Variants in PADI6 observed in about 807,000 individuals in gnomAD.
The protein encoded by PADI6 is inactive protein-arginine deiminase type-6.
A neutral mutation model predicts 78.2 loss-of-function variants in PADI6; 66 were observed. The observed-to-expected ratio is 0.84, with a 90% CI of 0.69 to 1.04. The LOEUF (loss-of-function observed/expected upper bound fraction) is 1.04, where lower values mean the gene tolerates loss of function less well. Ranked by LOEUF, PADI6 falls within the 50% of genes least tolerant of loss-of-function variation. PADI6 has a pLI of 0.00. For missense variants in PADI6, 854 were observed against 866.1 expected, an observed-to-expected ratio of 0.99 and a Z score of 0.18; for synonymous variants, 397 against 346.9, an observed-to-expected ratio of 1.14 and a Z score of -1.60.
Position 17,397,072 on chromosome 1 carries a change from A to C in PADI6, c.1620A>C (p.Gly540=). The part of the protein sequence containing the change: ...ELRADQLLSN[G]REAKTIDQLL... ...CCTGCTGCCCGCTTCTTCCTACAGG[A>C]AGGGAAGCCAAAACCATCGACCAAC... Residue 540 remains glycine (G), a splice_region_variant and synonymous_variant, in exon 14 of 16, where the codon GGA becomes GGC. Coordinates refer to ENST00000619609, the MANE Select transcript of PADI6 (RefSeq NM_207421.4). 6.2e-7 allele frequency: 1 copy of C among 1,613,684 alleles called. No homozygotes were observed. Among genetic ancestry groups the C allele is most frequent in the Non-Finnish European group, 8.5e-7 (1 of 1,179,786 alleles).
At position 17,401,336 on chromosome 1, in the gene PADI6, C is replaced by T. The variant is rs1042278488; in HGVS notation, c.1983C>T (p.Ile661=). 3 of 1,613,954 alleles carry T rather than the reference C, an allele frequency of 1.9e-6. No homozygotes were observed. The highest frequency in any genetic ancestry group is 2.7e-5 in the African/African-American group (2 of 74,942). The change falls in exon 16 of 16, where the codon ATC becomes ATT. Residue 661 remains isoleucine (I), a synonymous_variant. Coordinates refer to ENST00000619609, the MANE Select transcript of PADI6 (RefSeq NM_207421.4). The part of the protein sequence containing the change: ...LEPLGFKCTF[I]NDFDCYLTEV... ...CCCTGGGCTTCAAGTGCACCTTCAT[C>T]AATGACTTTGACTGTTACCTGACAG...
At chr1:17,377,780 G>C (rs2075033799) in intron 3 of PADI6, among the ~76,000 whole-genome samples, 2 of 152,172 alleles carry the variant, frequency 1.3e-5, no homozygotes, top group African/African-American at 4.8e-5. Context: ...TCACAGCCCA[G>C]ACCTCCCAGT....
At chr1:17,379,879 G>T in intron 3 of PADI6, 41 bp from the exon 4 acceptor site, 1 of 1,581,250 alleles carries the variant, frequency 6.3e-7, no homozygotes, top group African/African-American at 1.3e-5. Flanking sequence ...GTTCCATCTG[G>T]CAGGTCAAGG....
At chr1:17,401,087 C>T (rs768704074) in intron 15 of PADI6, 118 bp from the exon 16 acceptor site, 24 of 837,282 alleles carry the variant, frequency 2.9e-5, no homozygotes, top group African/African-American at 5.1e-5. Flanking sequence ...TTTCACTGAC[C>T]TGGAGGAGGC....
rs2075238521 is a variant in PADI6 at position 17,395,578 on chromosome 1, TAA to T, written c.1535_1536del (p.Lys512ThrfsTer17). The T allele has an allele frequency of 6.3e-7, 1 of 1,577,222 alleles. No homozygotes were observed. The highest frequency in any genetic ancestry group is 1.4e-5 in the African/African-American group (1 of 73,798). ...LLLASPSACY[K>X]LFREKQKEGY... is the part of the protein sequence containing the mutation. ...TCCTGGCCAGCCCCAGTGCCTGCTA[TAA>T]ACTGTTCCGAGAGAAACAGAAGGAA... On this transcript the variant is annotated frameshift_variant, in exon 13 of 16. Coordinates refer to ENST00000619609, the MANE Select transcript of PADI6 (RefSeq NM_207421.4). LOFTEE classifies it high-confidence loss of function.
intron 15 of PADI6, among the ~76,000 whole-genome samples, chr1:17,399,154 G>C (rs2075276628): frequency 1.3e-5 from 2 of 152,186 alleles, no homozygotes; most frequent in African/African-American, 4.8e-5. Context: ...GCCCACTTCG[G>C]ATGGGGTGCT....
At chr1:17,384,348 C>G (rs1330113512) in intron 6 of PADI6, among the ~76,000 whole-genome samples, 1 of 151,902 alleles carries the variant, frequency 6.6e-6, no homozygotes, top group Non-Finnish European at 1.5e-5. Context: ...AATCCCAGCA[C>G]TTTGGGAGGC....
intron 5 of PADI6, 81 bp from the exon 6 acceptor site, chr1:17,381,886 C>A: frequency 1.2e-5 from 18 of 1,538,884 alleles, no homozygotes; most frequent in Non-Finnish European, 1.6e-5. Flanking sequence ...AAACTCCCGG[C>A]CCCTCTCTAC....
chr1:17,394,517 C>T lies in PADI6; in HGVS notation c.1337+63C>T, dbSNP rs141318133. The T allele has an allele frequency of 3.6e-3, 5,488 of 1,540,726 alleles. 69 individuals are homozygous for T. The highest frequency in any genetic ancestry group is 0.028 in the South Asian group (2,325 of 83,126). The stretch of plus-strand genomic sequence containing the variant: ...GGGACCATGGTCGTTCCCCTGGCCC[C>T]GCCTGCTTCCCATAGCACCTCAGCA... On this transcript the variant is annotated intron_variant, in intron 11 of 15. Coordinates refer to ENST00000619609, the MANE Select transcript of PADI6 (RefSeq NM_207421.4).
At chr1:17,373,583 C>T (rs1378899284) in intron 2 of PADI6, among the ~76,000 whole-genome samples, 2 of 152,050 alleles carry the variant, frequency 1.3e-5, no homozygotes, top group South Asian at 4.1e-4. Flanking sequence ...CCTCCACTTC[C>T]CGGGTTCAAG....
At chr1:17,400,102 G>A (rs2075286485) in intron 15 of PADI6, among the ~76,000 whole-genome samples, 1 of 152,010 alleles carries the variant, frequency 6.6e-6, no homozygotes, top group Non-Finnish European at 1.5e-5. Flanking sequence ...CAGCCACTCA[G>A]GAGGCTGAGG....
At chr1:17,383,021 A>C (rs1282403429) in intron 6 of PADI6, among the ~76,000 whole-genome samples, 2 of 152,198 alleles carry the variant, frequency 1.3e-5, no homozygotes, top group Non-Finnish European at 2.9e-5. Flanking sequence ...GGATGCAAAC[A>C]ATCCTCCTGC....
At position 17,382,030 on chromosome 1, in the gene PADI6, A is replaced by G. The variant is rs2075077494; in HGVS notation, c.617A>G (p.Tyr206Cys). 3.7e-6 allele frequency: 6 copies of G among 1,613,940 alleles called. No homozygotes were observed. Among genetic ancestry groups the G allele is most frequent in the Non-Finnish European group, 5.1e-6 (6 of 1,179,828 alleles). The change falls in exon 6 of 16, where the codon TAT (tyrosine) becomes TGT (cysteine). Residue 206 changes from tyrosine (Y) to cysteine (C), a missense_variant. By Grantham distance (194) the Tyr-to-Cys change is radical. Transcript: ENST00000619609. ...GGCCCCAGCTGTATCTTAAAGAAAT[A>G]TCGGCTAGTCCTCCATACCTCCAAG... ...VQGPSCILKKYRLVLHTSKEE... is the reference protein window; with the variant it reads ...VQGPSCILKKCRLVLHTSKEE...
chr1:17,400,975 C>T lies in PADI6; in HGVS notation c.1852-230C>T, dbSNP rs576573852. On this transcript the variant is annotated intron_variant, in intron 15 of 15. Transcript: ENST00000619609. Reference sequence around the variant, plus strand: ...TGACAAGAGGCCAGAATAATCGAAACGTAGAAACTAGAGAAGTTGACAATC... The same window carrying T: ...TGACAAGAGGCCAGAATAATCGAAATGTAGAAACTAGAGAAGTTGACAATC... 6.6e-5 allele frequency among the ~76,000 whole-genome samples: 10 copies of T among 152,306 alleles called. No individual in the cohort carries two copies. The South Asian group carries it at 1.0e-3, about 16-fold the overall frequency.
chr1:17,377,450 C>T (rs375233187), intron 3 of PADI6, among the ~76,000 whole-genome samples: 1 of 152,210 alleles, frequency 6.6e-6, no homozygotes, highest in Non-Finnish European at 1.5e-5. Flanking sequence ...AGGCAGGTCA[C>T]GTGACTCTAA....
In PADI6 at chr1:17,395,021, G is replaced by A. The variant is rs2075231641; in HGVS notation, c.1408G>A (p.Glu470Lys). Reference protein sequence around the residue: ...LYAQQVQAPVELYSDWLMTGH... With the variant: ...LYAQQVQAPVKLYSDWLMTGH... The stretch of plus-strand genomic sequence containing the variant: ...TGCCCAGCAGGTCCAAGCGCCGGTG[G>A]AGCTCTACTCAGATTGGCTAATGAC... Residue 470 changes from glutamate to lysine, a missense_variant, in exon 12 of 16, where the codon GAG becomes AAG. Coordinates refer to ENST00000619609, the MANE Select transcript of PADI6 (RefSeq NM_207421.4). 13 of 1,613,838 alleles carry A rather than the reference G, an allele frequency of 8.1e-6. No homozygotes were observed. The highest frequency in any genetic ancestry group is 1.1e-5 in the Non-Finnish European group (13 of 1,179,910).
In PADI6 at chr1:17,401,300, C is replaced by T. The variant is rs561010836; in HGVS notation, c.1947C>T (p.Cys649=). 6.2e-7 allele frequency: 1 copy of T among 1,614,090 alleles called. No homozygotes were observed. The highest frequency in any genetic ancestry group is 1.1e-5 in the South Asian group (1 of 91,090). ...GTCCLEEKIC[C]LLEPLGFKCT... ...GCTGCCTGGAAGAAAAGATTTGCTG[C>T]TTGCTGGAGCCCCTGGGCTTCAAGT... Residue 649 remains cysteine, a synonymous_variant, in exon 16 of 16, where the codon TGC becomes TGT. Transcript: ENST00000619609.
intron 8 of PADI6, among the ~76,000 whole-genome samples, chr1:17,391,058 G>A (rs1246331661): frequency 6.6e-6 from 1 of 152,118 alleles, no homozygotes; most frequent in Non-Finnish European, 1.5e-5. Context: ...TAGATACTAT[G>A]AATGTGCTAT....
chr1:17,381,620 G>A (rs1034325199), intron 5 of PADI6, among the ~76,000 whole-genome samples: 2 of 152,288 alleles, frequency 1.3e-5, no homozygotes, highest in Non-Finnish European at 2.9e-5. Flanking sequence ...CAGGGTTCTG[G>A]GTCTTAGCAG....
Sources: allele counts gnomAD v4.1 joint callset (sites outside exome capture counted in the v4.1 genomes callset), GRCh38; gene constraint gnomAD v4.1.1; transcripts MANE v1.5; gene names NCBI Gene and HGNC (gene_info 2026-07-23, HGNC 2026-07-21).